GLIS3: variants seen among roughly 807,000 people sequenced by gnomAD.
GLIS3 encodes GLIS family zinc finger 3.
GLIS3 carries 53 observed loss-of-function variants against 78.6 expected under a neutral mutation model. The observed-to-expected ratio is 0.67, with a 90% CI of 0.54 to 0.85. GLIS3 has a LOEUF of 0.85. Among genes scored for constraint, GLIS3 ranks in the 40% least tolerant of loss-of-function variants. The pLI is 0.00. For synonymous variants in GLIS3, 684 were observed against 509.9 expected, an observed-to-expected ratio of 1.34 and a Z score of -4.60; for missense variants, 1,703 against 1,231.1, an observed-to-expected ratio of 1.38 and a Z score of -5.74.
chr9:4,157,554 G>A (rs1035987227), intron 2 of GLIS3, among the ~76,000 whole-genome samples: 2 of 152,188 alleles, frequency 1.3e-5, no homozygotes, highest in Non-Finnish European at 2.9e-5. Flanking sequence ...AGCATACATA[G>A]AGGCTTAAAT....
At chr9:4,091,668 C>T (rs1227836502) in intron 4 of GLIS3, among the ~76,000 whole-genome samples, 1 of 152,064 alleles carries the variant, frequency 6.6e-6, no homozygotes, top group Non-Finnish European at 1.5e-5. Flanking sequence ...CATCCCCCTT[C>T]GCTCGACTCT....
At chr9:4,222,620 G>C (rs944861067) in intron 2 of GLIS3, among the ~76,000 whole-genome samples, 22 of 152,202 alleles carry the variant, frequency 1.4e-4, no homozygotes, top group African/African-American at 5.3e-4. Flanking sequence ...TGCGTGCACA[G>C]ATCACTAATT....
intron 2 of GLIS3, among the ~76,000 whole-genome samples, chr9:4,254,262 A>G (rs1824695579): frequency 6.6e-6 from 1 of 152,244 alleles, no homozygotes; most frequent in East Asian, 1.9e-4. Flanking sequence ...CGTGAGAATA[A>G]AGAGTCCATT....
At chr9:4,105,809 C>T (rs1489851722) in intron 4 of GLIS3, among the ~76,000 whole-genome samples, 1 of 152,114 alleles carries the variant, frequency 6.6e-6, no homozygotes, top group African/African-American at 2.4e-5. Flanking sequence ...ATGGGCACAG[C>T]ACAAAACCAG....
At chr9:3,959,032 C>T (rs943294278) in intron 4 of GLIS3, among the ~76,000 whole-genome samples, 2 of 152,192 alleles carry the variant, frequency 1.3e-5, no homozygotes, top group Non-Finnish European at 2.9e-5. Flanking sequence ...TCAGTAGGCA[C>T]TCTATGAATA....
intron 2 of GLIS3, among the ~76,000 whole-genome samples, chr9:4,203,597 G>T (rs931445128): frequency 1.5e-4 from 23 of 152,146 alleles, no homozygotes; most frequent in African/African-American, 5.6e-4. Context: ...CCCATTACTG[G>T]ATCTGGGTAT....
chr9:4,122,606 T>G (rs1832273820), intron 3 of GLIS3, among the ~76,000 whole-genome samples: 1 of 152,204 alleles, frequency 6.6e-6, no homozygotes, highest in South Asian at 2.1e-4. Flanking sequence ...GGACTTTCTG[T>G]GTCCTGGTTC....
upstream of GLIS3, among the ~76,000 whole-genome samples, chr9:4,303,942 TA>T (rs1817159891): frequency 6.6e-6 from 1 of 152,256 alleles, no homozygotes; most frequent in Non-Finnish European, 1.5e-5. Flanking sequence ...TAAAATTAAT[TA>T]TCTAATCACA....
At chr9:4,040,534 T>C (rs1478632174) in intron 4 of GLIS3, among the ~76,000 whole-genome samples, 1 of 152,168 alleles carries the variant, frequency 6.6e-6, no homozygotes, top group East Asian at 1.9e-4. Flanking sequence ...TTTTAGGTCT[T>C]TTCCTAAAAT....
the GLIS3 span, among the ~76,000 whole-genome samples, chr9:4,408,558 C>T: frequency 6.6e-6 from 1 of 151,524 alleles, no homozygotes; most frequent in East Asian, 1.9e-4. Flanking sequence ...GAAATCCCGT[C>T]TGTACTAAAA....
intron 2 of GLIS3, among the ~76,000 whole-genome samples, chr9:4,270,287 A>G (rs1002409123): frequency 2.0e-5 from 3 of 152,210 alleles, no homozygotes; most frequent in Admixed American, 6.5e-5. Flanking sequence ...ATCTTAAAAG[A>G]GGAAAGCCCA....
intron 2 of GLIS3, among the ~76,000 whole-genome samples, chr9:4,135,561 CATT>C (rs1833344262): frequency 1.3e-5 from 2 of 152,092 alleles, no homozygotes; most frequent in Admixed American, 1.3e-4. Flanking sequence ...CTACTCTAAA[CATT>C]ATTATATTAC....
intron 4 of GLIS3, among the ~76,000 whole-genome samples, chr9:3,944,619 A>G (rs1276942693): frequency 6.6e-6 from 1 of 152,204 alleles, no homozygotes; most frequent in East Asian, 1.9e-4. Context: ...CAATCTGTGA[A>G]TACATATCCA....
chr9:3,909,674 G>T (rs1359395252), intron 6 of GLIS3, among the ~76,000 whole-genome samples: 2 of 152,186 alleles, frequency 1.3e-5, no homozygotes, highest in Non-Finnish European at 2.9e-5. Flanking sequence ...ATCAGTGTCA[G>T]TATGGACACA....
At chr9:4,113,576 A>C (rs946572329) in intron 4 of GLIS3, among the ~76,000 whole-genome samples, 3 of 152,182 alleles carry the variant, frequency 2.0e-5, no homozygotes, top group Admixed American at 2.0e-4. Context: ...ATATTTTCCT[A>C]AGGTCCCTCT....
chr9:4,155,123 T>C (rs1834955782), intron 2 of GLIS3, among the ~76,000 whole-genome samples: 2 of 152,248 alleles, frequency 1.3e-5, no homozygotes, highest in African/African-American at 4.8e-5. Flanking sequence ...GTTTCTTTTA[T>C]TCTTTTTTCG....
At chr9:4,162,111 T>A (rs993156684) in intron 2 of GLIS3, among the ~76,000 whole-genome samples, 18 of 152,076 alleles carry the variant, frequency 1.2e-4, no homozygotes, top group African/African-American at 3.4e-4. Flanking sequence ...CATCCCTCAG[T>A]TTATAGATAT....
At chr9:4,468,617 C>A in the GLIS3 span, among the ~76,000 whole-genome samples, 1 of 152,188 alleles carries the variant, frequency 6.6e-6, no homozygotes, top group South Asian at 2.1e-4. Flanking sequence ...GCCTGCCTTA[C>A]AAGAGCTCCT....
chr9:4,330,349 C>A (rs569406224), intron 2 of GLIS3, among the ~76,000 whole-genome samples: 1 of 152,370 alleles, frequency 6.6e-6, no homozygotes, highest in Non-Finnish European at 1.5e-5. Flanking sequence ...ATAGGTCTGG[C>A]ACAGGCCCTG....
Sources: allele counts gnomAD v4.1 joint callset (sites outside exome capture counted in the v4.1 genomes callset), GRCh38; gene constraint gnomAD v4.1.1; transcripts MANE v1.5; gene names NCBI Gene and HGNC (gene_info 2026-07-23, HGNC 2026-07-21).